USP54: variants seen among roughly 807,000 people sequenced by gnomAD.
The protein encoded by USP54 is ubiquitin specific peptidase 54, also known as ubiquitin carboxyl-terminal hydrolase 54.
In USP54, 87 loss-of-function variants were observed where a neutral mutation model predicts 170.5. The observed-to-expected ratio is 0.51, with a 90% CI of 0.43 to 0.61. The LOEUF is 0.61. Ranked by LOEUF, USP54 falls within the 20% of genes least tolerant of loss-of-function variation. USP54 has a pLI of 0.00. For missense variants in USP54, 1,786 were observed against 2,047.8 expected (o/e 0.87, Z 2.47); for synonymous variants, 655 against 742.8 (o/e 0.88, Z 1.92).
chr10:73,606,545 C>CA (rs1274364513), intron 1 of USP54: 1 of 152,110 alleles, frequency 6.6e-6, no homozygotes, highest in East Asian at 1.9e-4. Context: ...TTTCTCATTT[C>CA]AAAAAACAAT....
At chr10:73,568,742 T>C (rs917690158) in intron 4 of USP54, among the ~76,000 whole-genome samples, 2 of 152,128 alleles carry the variant, frequency 1.3e-5, no homozygotes, top group African/African-American at 2.4e-5. Flanking sequence ...ACCCAAAATA[T>C]AGCCTTTGAT....
At chr10:73,562,956 AT>A (rs775006814) in intron 4 of USP54, among the ~76,000 whole-genome samples, 1 of 151,318 alleles carries the variant, frequency 6.6e-6, no homozygotes, top group African/African-American at 2.4e-5. Flanking sequence ...GTAACACTCA[AT>A]TTTTTTTTCT....
intron 7 of USP54, among the ~76,000 whole-genome samples, chr10:73,542,323 C>A (rs1015773603): frequency 6.6e-6 from 1 of 152,156 alleles, no homozygotes; most frequent in Non-Finnish European, 1.5e-5. Context: ...TGGTCTCGAA[C>A]TCTTAGCCTC....
At chr10:73,519,626 C>T (rs955514973) in intron 19 of USP54, 171 bp downstream of exon 19, 22 of 976,690 alleles carry the variant, frequency 2.3e-5, no homozygotes, top group Non-Finnish European at 1.0e-5. Context: ...AAGATAAGGA[C>T]CAGCAGTACA....
At chr10:73,624,188 A>T (rs1316699006) in intron 1 of USP54, among the ~76,000 whole-genome samples, 3,527 of 115,284 alleles carry the variant, frequency 0.031, 142 homozygotes, top group East Asian at 0.12. Flanking sequence ...ATATATATAT[A>T]TATATATGTA....
At chr10:73,531,069 G>C (rs1197670592) in intron 12 of USP54, among the ~76,000 whole-genome samples, 1 of 152,040 alleles carries the variant, frequency 6.6e-6, no homozygotes, top group Non-Finnish European at 1.5e-5. Context: ...AGGCTAAGGC[G>C]GGCAGATCAC....
chr10:73,623,032 T>C (rs978811265), intron 1 of USP54, among the ~76,000 whole-genome samples: 1 of 152,174 alleles, frequency 6.6e-6, no homozygotes, highest in African/African-American at 2.4e-5. Context: ...AGAAACTTAC[T>C]ATGTGTTTCA....
Position 73,516,442 on chromosome 10 carries a change from C to G in USP54, c.3984G>C (p.Gln1328His). 6.2e-7 allele frequency: 1 copy of G among 1,614,122 alleles called. No individual in the cohort carries two copies. The highest frequency in any genetic ancestry group is 1.1e-5 in the South Asian group (1 of 91,070). The change falls in exon 20 of 24, where the codon CAG becomes CAC. Residue 1328 changes from glutamine to histidine, a missense_variant. This residue lies in a region of USP54 where 1,418 missense variants were observed against 1,569.0 expected (regional missense o/e 0.90). Transcript: ENST00000687698. ...ELESLYQASL[Q>H]ASQAGCSGWG... is the part of the protein sequence containing the mutation. ...ATCCAGAACAGCCAGCTTGAGAAGC[C>G]TGAAGACTGGCCTGATACAGAGACT...
At chr10:73,555,284 C>A (rs2133645966) in intron 4 of USP54, among the ~76,000 whole-genome samples, 1 of 152,270 alleles carries the variant, frequency 6.6e-6, no homozygotes. Context: ...TCTGGACTCT[C>A]AATTAGAAAA....
At chr10:73,620,266 T>C (rs900208983) in intron 1 of USP54, among the ~76,000 whole-genome samples, 1 of 148,950 alleles carries the variant, frequency 6.7e-6, no homozygotes, top group Non-Finnish European at 1.5e-5. Context: ...TGAGCCGAGA[T>C]TGTGCCACTG....
chr10:73,600,814 C>G (rs919389144), intron 1 of USP54, among the ~76,000 whole-genome samples: 1 of 151,850 alleles, frequency 6.6e-6, no homozygotes, highest in African/African-American at 2.4e-5. Flanking sequence ...CTCAGGAGGC[C>G]GAGGCAGGAG....
At position 73,579,764 on chromosome 10, in the gene USP54, C is replaced by A. The variant is rs983284108; in HGVS notation, c.-581-3403G>T. 5.7e-5 allele frequency among the ~76,000 whole-genome samples: 8 copies of A among 140,288 alleles called. No individual in the cohort carries two copies. In the East Asian group the frequency reaches 9.8e-4, roughly 17 times the overall value. 92.0% of individuals were successfully genotyped at this position (140,288 alleles called of 152,430 possible). On this transcript the variant is annotated intron_variant, in intron 1 of 23. Transcript: ENST00000687698. ...ACGGCAAGACTCCATCTCAAAAAAA[C>A]AACAACAACAACAACAAAAAAAAAC...
intron 1 of USP54, among the ~76,000 whole-genome samples, chr10:73,590,261 G>C (rs904722161): frequency 6.6e-6 from 1 of 152,164 alleles, no homozygotes; most frequent in Non-Finnish European, 1.5e-5. Context: ...AAAGCACTTA[G>C]CAAGGACCCA....
upstream of USP54, among the ~76,000 whole-genome samples, chr10:73,593,383 A>G (rs1402413266): frequency 6.6e-6 from 1 of 151,582 alleles, no homozygotes; most frequent in Non-Finnish European, 1.5e-5. Flanking sequence ...TCTCAAAAAA[A>G]AAAAAAAAAA....
chr10:73,554,886 T>C (rs371842106), intron 4 of USP54, among the ~76,000 whole-genome samples: 372 of 152,342 alleles, frequency 2.4e-3, no homozygotes, highest in African/African-American at 8.5e-3. Context: ...TTTGGGAGGA[T>C]GGCTTAAAGC....
chr10:73,562,531 T>C (rs981053619), intron 4 of USP54, among the ~76,000 whole-genome samples: 2 of 152,334 alleles, frequency 1.3e-5, no homozygotes, highest in Admixed American at 1.3e-4. Context: ...TATATATAAA[T>C]GGAATCATGA....
At chr10:73,604,504 C>A (rs925718358) in intron 1 of USP54, among the ~76,000 whole-genome samples, 1 of 152,008 alleles carries the variant, frequency 6.6e-6, no homozygotes, top group Non-Finnish European at 1.5e-5. Context: ...ACACGTAATC[C>A]CAGTATTTTG....
chr10:73,564,990 T>C (rs1184482859), intron 4 of USP54, among the ~76,000 whole-genome samples: 1 of 151,620 alleles, frequency 6.6e-6, no homozygotes, highest in African/African-American at 2.4e-5. Context: ...ACAGAATTGC[T>C]TGACCCCAGG....
At chr10:73,508,588 T>A (rs2059619186) in intron 20 of USP54, among the ~76,000 whole-genome samples, 1 of 152,066 alleles carries the variant, frequency 6.6e-6, no homozygotes, top group African/African-American at 2.4e-5. Context: ...AATATTCCTA[T>A]TTTTAAAATT....
Sources: gnomAD v4.1 joint callset for allele counts (sites outside exome capture counted in the v4.1 genomes callset) on GRCh38, gnomAD v4.1.1 for gene constraint, gnomAD v4.1.1 regional missense constraint, MANE v1.5 for transcripts, NCBI Gene and HGNC (gene_info 2026-07-23, HGNC 2026-07-21) for gene names.